ANKRD17: variants seen among roughly 807,000 people sequenced by gnomAD.
The protein encoded by ANKRD17 is ankyrin repeat domain-containing protein 17.
A neutral mutation model predicts 229.7 loss-of-function variants in ANKRD17; 19 were observed. The observed-to-expected ratio is 0.08, with a 90% CI of 0.06 to 0.12. ANKRD17 has a LOEUF of 0.12. Among genes scored for constraint, ANKRD17 ranks in the 10% least tolerant of loss-of-function variants. The pLI is 1.00. For missense variants in ANKRD17, 2,176 were observed against 3,176.8 expected (o/e 0.68, Z 7.57); for synonymous variants, 1,112 against 1,146.1 (o/e 0.97, Z 0.60).
rs757472156 is a variant in ANKRD17 at position 73,177,465 on chromosome 4, G to A, written c.462C>T (p.Leu154=). ...NPMLETASKL[L]LSGTADGADL... ...CTGCACCATCAGCAGTACCTGATAA[G>A]AGCAACTTGGAAGCTGTTTCCAGCA... Residue 154 remains leucine, a synonymous_variant, in exon 2 of 34, where the codon CTC becomes CTT. Coordinates refer to ENST00000358602, the MANE Select transcript of ANKRD17 (RefSeq NM_032217.5). 1.2e-6 allele frequency: 2 copies of A among 1,613,758 alleles called. No homozygotes were observed. Among genetic ancestry groups the A allele is most frequent in the Non-Finnish European group, 1.7e-6 (2 of 1,179,804 alleles).
At chr4:73,183,057 A>T (rs187338149) in intron 1 of ANKRD17, among the ~76,000 whole-genome samples, 11 of 152,342 alleles carry the variant, frequency 7.2e-5, no homozygotes, top group African/African-American at 2.4e-4. Flanking sequence ...AAAGTCTAAA[A>T]TGTGGAACAT....
rs11371589 is a variant in ANKRD17, at chr4:73,213,031, G to GAAA, written c.394-35501_394-35499dup. Among the ~76,000 whole-genome samples the GAAA allele has an allele frequency of 4.1e-3, 542 of 131,254 alleles. 7 individuals are homozygous for GAAA. The highest frequency in any genetic ancestry group is 0.039 in the East Asian group (178 of 4,584). The allele number at this position is 131,254 out of a possible 152,430, so 86.1% of individuals were successfully genotyped here. Reference sequence around the variant, plus strand: ...GACAAAGCAAGACTCCGTTTCAGGGGAAAAAAAAAAAAAAAAGAAATATAA... The same window carrying GAAA: ...GACAAAGCAAGACTCCGTTTCAGGGGAAAAAAAAAAAAAAAAAAAGAAATATAA... On this transcript the variant is annotated intron_variant, in intron 1 of 33. Coordinates refer to ENST00000358602, the MANE Select transcript of ANKRD17 (RefSeq NM_032217.5).
chr4:73,090,887 G>A lies in ANKRD17; in HGVS notation c.6741C>T (p.Ala2247=), dbSNP rs1578014345. The change falls in exon 29 of 34, where the codon GCC becomes GCT. Residue 2247 remains alanine, a synonymous_variant. Transcript: ENST00000358602. ...TGCTAAAGGGCCCAAATGGTAAGGG[G>A]GCACTGAAATTGGGAGCAATAGGCT... ...ANKPIAPNFS[A]PLPFGPFSTL... 6.2e-7 allele frequency: 1 copy of A among 1,614,232 alleles called. No homozygotes were observed. The highest frequency in any genetic ancestry group is 1.1e-5 in the South Asian group (1 of 91,084).
intron 1 of ANKRD17, among the ~76,000 whole-genome samples, chr4:73,252,701 A>C (rs1207417950): frequency 6.6e-6 from 1 of 152,192 alleles, no homozygotes; most frequent in African/African-American, 2.4e-5. Flanking sequence ...CAAATTAATA[A>C]GGAGAGATTA....
intron 24 of ANKRD17, chr4:73,102,811 T>C (rs1724169718): frequency 8.4e-6 from 3 of 358,516 alleles, no homozygotes; most frequent in African/African-American, 2.2e-5. Flanking sequence ...ATTAAGGACA[T>C]GTAAGTTGAA....
At chr4:73,217,208 C>G (rs1441101529) in intron 1 of ANKRD17, among the ~76,000 whole-genome samples, 1 of 152,186 alleles carries the variant, frequency 6.6e-6, no homozygotes, top group Non-Finnish European at 1.5e-5. Context: ...CGTGCCTTTA[C>G]TTTCATATAA....
chr4:73,229,322 C>T (rs994739368), intron 1 of ANKRD17, among the ~76,000 whole-genome samples: 2 of 152,018 alleles, frequency 1.3e-5, no homozygotes, highest in African/African-American at 2.4e-5. Flanking sequence ...AATTAACTGC[C>T]TTCTAAAAAA....
At chr4:73,131,875 T>G (rs1391441036) in intron 16 of ANKRD17, among the ~76,000 whole-genome samples, 2 of 152,218 alleles carry the variant, frequency 1.3e-5, no homozygotes, top group Admixed American at 1.3e-4. Context: ...ATGAAAGATC[T>G]AAGTATTAAA....
chr4:73,206,436 G>C (rs1031393289), intron 1 of ANKRD17, among the ~76,000 whole-genome samples: 1 of 151,806 alleles, frequency 6.6e-6, no homozygotes, highest in African/African-American at 2.4e-5. Flanking sequence ...GAGAGAGAGA[G>C]AGAGAGAGAG....
chr4:73,166,918 GAC>G (rs1733309176), intron 2 of ANKRD17, among the ~76,000 whole-genome samples: 1 of 151,936 alleles, frequency 6.6e-6, no homozygotes, highest in African/African-American at 2.4e-5. Flanking sequence ...ACTGTAAAAA[GAC>G]AGAAAATAAT....
chr4:73,203,414 G>A (rs779806899), intron 1 of ANKRD17, among the ~76,000 whole-genome samples: 2 of 152,042 alleles, frequency 1.3e-5, no homozygotes, highest in Non-Finnish European at 2.9e-5. Flanking sequence ...ATCTAAAAAC[G>A]TGTAACTGGA....
chr4:73,077,187 T>C (rs929574211), intron 32 of ANKRD17, 83 bp from the exon 33 acceptor site: 3 of 1,417,044 alleles, frequency 2.1e-6, no homozygotes, highest in African/African-American at 2.9e-5. Flanking sequence ...AAATTGATAT[T>C]TGAAAGTTCA....
At chr4:73,102,086 G>A (rs534505659) in intron 25 of ANKRD17, among the ~76,000 whole-genome samples, 1 of 151,990 alleles carries the variant, frequency 6.6e-6, no homozygotes, top group South Asian at 2.1e-4. Flanking sequence ...AGCTAGCTGG[G>A]ACTACAGGAG....
At chr4:73,240,182 A>G (rs1743885830) in intron 1 of ANKRD17, among the ~76,000 whole-genome samples, 1 of 152,170 alleles carries the variant, frequency 6.6e-6, no homozygotes, top group African/African-American at 2.4e-5. Context: ...AATCAGTAAG[A>G]ACACTATATA....
At chr4:73,138,954 G>A (rs961325731) in intron 15 of ANKRD17, among the ~76,000 whole-genome samples, 3 of 151,868 alleles carry the variant, frequency 2.0e-5, no homozygotes, top group Non-Finnish European at 4.4e-5. Context: ...GTTAGAAAGA[G>A]ACTACACATT....
chr4:73,170,539 G>C (rs961036345), intron 2 of ANKRD17, among the ~76,000 whole-genome samples: 6 of 151,806 alleles, frequency 4.0e-5, no homozygotes, highest in Non-Finnish European at 7.4e-5. Flanking sequence ...TGGGGTCGGG[G>C]GGCGGGGGGC....
At chr4:73,189,403 G>GTGTTTTTT (rs1553932825) in intron 1 of ANKRD17, among the ~76,000 whole-genome samples, 5 of 112,694 alleles carry the variant, frequency 4.4e-5, no homozygotes, top group African/African-American at 1.4e-4. Flanking sequence ...TGCCTGGAAT[G>GTGTTTTTT]TTTTTTTTTT....
chr4:73,078,004 C>T (rs1321541319), intron 31 of ANKRD17, among the ~76,000 whole-genome samples: 1 of 150,736 alleles, frequency 6.6e-6, no homozygotes, highest in Non-Finnish European at 1.5e-5. Context: ...AATGCCAGCA[C>T]TTTGGGAGGC....
In ANKRD17 at chr4:73,222,938, T is replaced by C. The variant is rs548985298; in HGVS notation, c.393+35338A>G. On this transcript the variant is annotated intron_variant, in intron 1 of 33. Transcript: ENST00000358602. ...GGCAGATAAGATTTCTTTGTTCAGA[T>C]TTCAACTTTCATTTCACTTACAAAC... 31 of 1,456,922 alleles carry C rather than the reference T, an allele frequency of 2.1e-5. No individual in the cohort carries two copies. The Middle Eastern group carries it at 6.8e-4, about 32-fold the overall frequency. The allele number at this position is 1,456,922 out of a possible 1,614,324, so 90.2% of individuals were successfully genotyped here.
Sources: allele counts gnomAD v4.1 joint callset (sites outside exome capture counted in the v4.1 genomes callset), GRCh38; gene constraint gnomAD v4.1.1; transcripts MANE v1.5; gene names NCBI Gene and HGNC (gene_info 2026-07-23, HGNC 2026-07-21).